The following TRUB2 variants were observed in gnomAD, a reference collection of about 807,000 sequenced individuals.
The protein encoded by TRUB2 is pseudouridylate synthase TRUB2, mitochondrial.
TRUB2 carries 31 observed loss-of-function variants against 31.9 expected under a neutral mutation model. That is an observed-to-expected ratio of 0.97 (90% CI 0.73 to 1.31). The LOEUF (loss-of-function observed/expected upper bound fraction) is 1.31, where lower values mean the gene tolerates loss of function less well. Ranked by LOEUF, TRUB2 falls within the 50% of genes most tolerant of loss-of-function variation. The pLI, the probability that TRUB2 is intolerant of heterozygous loss-of-function variation, is 0.00. For synonymous variants in TRUB2, 201 were observed against 182.6 expected (o/e 1.10, Z -0.81); for missense variants, 451 against 439.6 (o/e 1.03, Z -0.23).
chr9:128,319,547 T>C (rs1202481542), intron 2 of TRUB2, among the ~76,000 whole-genome samples: 12 of 151,808 alleles, frequency 7.9e-5, no homozygotes, highest in African/African-American at 2.7e-4. Context: ...GGGTCCAGGA[T>C]CCCTTGCAGA....
chr9:128,309,924 A>G, intron 7 of TRUB2, 49 bp from the exon 8 acceptor site: 1 of 1,584,796 alleles, frequency 6.3e-7, no homozygotes, highest in South Asian at 1.2e-5. Context: ...CACAGCCTCT[A>G]GTGTGTGGTT....
intron 5 of TRUB2, among the ~76,000 whole-genome samples, chr9:128,313,299 G>T (rs1832007091): frequency 6.6e-6 from 1 of 151,492 alleles, no homozygotes; most frequent in Non-Finnish European, 1.5e-5. Context: ...GGCCAAGGAG[G>T]GCGGATCATG....
At chr9:128,311,244 C>T in intron 6 of TRUB2, 1 of 646,916 alleles carries the variant, frequency 1.5e-6, no homozygotes, top group Middle Eastern at 4.3e-4. Flanking sequence ...CTGCTCTTGC[C>T]CTTGGGCTCT....
chr9:128,309,566 C>A lies in TRUB2; in HGVS notation c.980G>T (p.Arg327Met), dbSNP rs111706054. The A allele has an allele frequency of 6.2e-6, 10 of 1,610,950 alleles. No homozygotes were observed. The African/African-American group carries it at 8.0e-5, about 13-fold the overall frequency. Reference protein sequence around the residue: ...QGPSSTLGLERGAGQ With the variant: ...QGPSSTLGLEMGAGQ ...CCTGGGCATTCACTGCCCCGCACCC[C>A]TCTCCAGCCCCAAGGTAGAGCTCGG... The change falls in exon 8 of 8, where the codon AGG becomes ATG. Residue 327 changes from arginine to methionine, a missense_variant. Arg to Met is a moderately conservative substitution (Grantham distance 91). Transcript: ENST00000372890.
chr9:128,322,025 G>A (rs1832193216), intron 1 of TRUB2, among the ~76,000 whole-genome samples: 1 of 152,188 alleles, frequency 6.6e-6, no homozygotes, highest in South Asian at 2.1e-4. Context: ...GAAGCCCATG[G>A]TGCAGAGGGC....
Position 128,313,851 on chromosome 9 carries a change from A to C in TRUB2, c.417T>G (p.Asp139Glu). Residue 139 changes from aspartate (D) to glutamate (E), a missense_variant, in exon 5 of 8, where the codon GAT (aspartate) becomes GAG (glutamate). Asp to Glu is a conservative substitution (Grantham distance 45). Coordinates refer to ENST00000372890, the MANE Select transcript of TRUB2 (RefSeq NM_015679.3). Reference protein sequence around the residue: ...TVRGLLGKATDDFREDGRLVE... With the variant: ...TVRGLLGKATEDFREDGRLVE... Reference sequence around the variant, plus strand: ...CCAGCCTCCCGTCCTCACGGAAGTCATCTGTAGCTTTGCCCAGGAGGCCAC... The same window carrying C: ...CCAGCCTCCCGTCCTCACGGAAGTCCTCTGTAGCTTTGCCCAGGAGGCCAC... The C allele has an allele frequency of 6.2e-7, 1 of 1,614,246 alleles. No homozygotes were observed. Among genetic ancestry groups the C allele is most frequent in the Non-Finnish European group, 8.5e-7 (1 of 1,180,032 alleles).
chr9:128,321,772 A>G, intron 1 of TRUB2, 42 bp from the exon 2 acceptor site: 1 of 1,542,834 alleles, frequency 6.5e-7, no homozygotes, highest in Non-Finnish European at 8.8e-7. Context: ...ACATACAAAT[A>G]TATGTACATA....
intron 6 of TRUB2, 106 bp downstream of exon 6, chr9:128,311,422 TG>T: frequency 8.7e-7 from 1 of 1,146,254 alleles, no homozygotes; most frequent in Non-Finnish European, 1.3e-6. Context: ...CGTCTGGTTC[TG>T]GGCTCTAAAA....
intron 2 of TRUB2, among the ~76,000 whole-genome samples, chr9:128,320,858 G>A (rs981197060): frequency 2.0e-5 from 3 of 149,376 alleles, no homozygotes; most frequent in Non-Finnish European, 3.0e-5. Context: ...GCACAATTTC[G>A]GCTCACTGCA....
rs1345735153 is a variant in TRUB2 at position 128,322,409 on chromosome 9, A to G, written c.-1T>C. On this transcript the variant is annotated 5_prime_UTR_variant, in exon 1 of 8. Coordinates refer to ENST00000372890, the MANE Select transcript of TRUB2 (RefSeq NM_015679.3). Reference sequence around the variant, plus strand: ...GCCGCGACAAGCCAGCAGACCCCATACTTGAAGATCACAGCACCCGCTGGA... The same window carrying G: ...GCCGCGACAAGCCAGCAGACCCCATGCTTGAAGATCACAGCACCCGCTGGA... 2 of 1,613,962 alleles carry G rather than the reference A, an allele frequency of 1.2e-6. No individual in the cohort carries two copies. Among genetic ancestry groups the G allele is most frequent in the Non-Finnish European group, 1.7e-6 (2 of 1,180,018 alleles).
At chr9:128,314,110 C>A (rs536618236) in intron 4 of TRUB2, among the ~76,000 whole-genome samples, 1 of 152,298 alleles carries the variant, frequency 6.6e-6, no homozygotes, top group Non-Finnish European at 1.5e-5. Flanking sequence ...CTCCTGTCAC[C>A]TGGGGACAGT....
In TRUB2 at chr9:128,307,557, C is replaced by G. The variant is rs1212031500; in HGVS notation, c.*1993G>C. The G allele has an allele frequency of 6.6e-6, 1 of 151,670 alleles. No individual in the cohort carries two copies. Among genetic ancestry groups the G allele is most frequent in the Non-Finnish European group, 1.5e-5 (1 of 67,956 alleles). 9.4% of individuals were successfully genotyped at this position (151,670 alleles called of 1,614,324 possible). A position where few individuals can be genotyped will look rare whatever the true frequency, so the allele number is the denominator to read the frequency against. On this transcript the variant is annotated 3_prime_UTR_variant, in exon 8 of 8. Transcript: ENST00000372890. Reference sequence around the variant, plus strand: ...ACCAGCCTGGCCAACATAGTGAAACCCTGTCTCTACTAAAAATACAAAAAT... The same window carrying G: ...ACCAGCCTGGCCAACATAGTGAAACGCTGTCTCTACTAAAAATACAAAAAT...
intron 1 of TRUB2, 68 bp downstream of exon 1, chr9:128,322,232 G>C: frequency 7.3e-7 from 1 of 1,377,760 alleles, no homozygotes; most frequent in Non-Finnish European, 1.0e-6. Flanking sequence ...TTGGGGTAAG[G>C]ACCAGAAGCG....
At chr9:128,313,731 G>T in intron 5 of TRUB2, 77 bp downstream of exon 5, 1 of 1,323,718 alleles carries the variant, frequency 7.6e-7, no homozygotes, top group Non-Finnish European at 1.1e-6. Flanking sequence ...GAAGGGGCCA[G>T]CGTGGCCTAG....
chr9:128,312,630 T>C (rs1028931637), intron 5 of TRUB2, among the ~76,000 whole-genome samples: 1 of 149,940 alleles, frequency 6.7e-6, no homozygotes, highest in African/African-American at 2.4e-5. Flanking sequence ...TTTTTTTTTT[T>C]TTTGAGACGG....
intron 4 of TRUB2, among the ~76,000 whole-genome samples, chr9:128,314,171 C>T (rs1279639986): frequency 1.3e-5 from 2 of 152,184 alleles, no homozygotes; most frequent in African/African-American, 4.8e-5. Flanking sequence ...GGACATGGTA[C>T]CTGGCTCCCA....
intron 5 of TRUB2, 37 bp downstream of exon 5, chr9:128,313,771 G>C: frequency 6.3e-7 from 1 of 1,595,130 alleles, no homozygotes; most frequent in Non-Finnish European, 8.6e-7. Context: ...GAAAGCAAAT[G>C]CGGAGGGAGG....
At chr9:128,311,494 T>G (rs756035067) in intron 6 of TRUB2, 35 bp downstream of exon 6, 1 of 1,609,670 alleles carries the variant, frequency 6.2e-7, no homozygotes, top group Non-Finnish European at 8.5e-7. Flanking sequence ...GGGCACTTAC[T>G]GCTCTCCCAG....
At chr9:128,313,777 G>A (rs1216964864) in intron 5 of TRUB2, 31 bp downstream of exon 5, 3 of 1,604,086 alleles carry the variant, frequency 1.9e-6, no homozygotes, top group East Asian at 4.5e-5. Flanking sequence ...AAATGCGGAG[G>A]GAGGCAGCGG....
Sources: gnomAD v4.1 joint callset for allele counts (sites outside exome capture counted in the v4.1 genomes callset) on GRCh38, gnomAD v4.1.1 for gene constraint, MANE v1.5 for transcripts, NCBI Gene and HGNC (gene_info 2026-07-23, HGNC 2026-07-21) for gene names.